The following PIK3R6 variants were observed in gnomAD, a reference collection of about 807,000 sequenced individuals.
The protein encoded by PIK3R6 is phosphoinositide 3-kinase regulatory subunit 6.
A neutral mutation model predicts 84.9 loss-of-function variants in PIK3R6; 91 were observed. The observed-to-expected ratio is 1.07, with a 90% confidence interval of 0.90 to 1.28. PIK3R6 has a LOEUF of 1.28. Ranked by LOEUF, PIK3R6 falls within the 50% of genes most tolerant of loss-of-function variation. PIK3R6 has a pLI of 0.00. For synonymous variants in PIK3R6, 416 were observed against 411.4 expected, an observed-to-expected ratio of 1.01 and a Z score of -0.13; for missense variants, 996 against 985.1, an observed-to-expected ratio of 1.01 and a Z score of -0.15.
At chr17:8,867,347 T>G (rs955790930) in intron 1 of PIK3R6, among the ~76,000 whole-genome samples, 182 bp downstream of exon 1, 1 of 152,206 alleles carries the variant, frequency 6.6e-6, no homozygotes, top group Non-Finnish European at 1.5e-5. Context: ...AGAATTACCC[T>G]GCAGTGTCTG....
At chr17:8,827,437 G>T in intron 12 of PIK3R6, 143 bp from the exon 13 acceptor site, 1 of 1,039,148 alleles carries the variant, frequency 9.6e-7, no homozygotes, top group Non-Finnish European at 1.3e-6. Context: ...ACACGTCGTT[G>T]TTCTGTTTTA....
At chr17:8,853,714 G>A (rs60256690) in intron 1 of PIK3R6, among the ~76,000 whole-genome samples, 12,541 of 149,094 alleles carry the variant, frequency 0.084, 1,690 homozygotes, top group African/African-American at 0.29. Context: ...CTGTAATCCC[G>A]GCACTTTGGG....
intron 17 of PIK3R6, among the ~76,000 whole-genome samples, chr17:8,821,098 C>CT (rs1230098659): frequency 6.6e-6 from 1 of 152,162 alleles, no homozygotes; most frequent in Non-Finnish European, 1.5e-5. Flanking sequence ...CCTGGGTGAA[C>CT]TTACTTGTTT....
chr17:8,819,851 T>G (rs2087668939), intron 17 of PIK3R6, among the ~76,000 whole-genome samples: 1 of 147,022 alleles, frequency 6.8e-6, no homozygotes, highest in South Asian at 2.1e-4. Flanking sequence ...TATATATGTA[T>G]ATATAGACAC....
chr17:8,822,722 C>T, intron 15 of PIK3R6, 65 bp from the exon 16 acceptor site: 1 of 1,508,966 alleles, frequency 6.6e-7, no homozygotes, highest in Non-Finnish European at 9.1e-7. Context: ...ACTTCCCCAC[C>T]TCTCTGAGGG....
intron 1 of PIK3R6, among the ~76,000 whole-genome samples, chr17:8,860,828 C>G (rs530305476): frequency 6.6e-6 from 1 of 152,114 alleles, no homozygotes; most frequent in Non-Finnish European, 1.5e-5. Flanking sequence ...GACTCTGAAG[C>G]CGGGGGCAGT....
rs1287995386 is a variant in PIK3R6, at chr17:8,839,034, G to C, written c.98-379C>G. On this transcript the variant is annotated intron_variant, in intron 3 of 19. Transcript: ENST00000619866. This position sits in a 1 kb window ranked among gnomAD's most constrained non-coding sequence, Gnocchi z 4.2. The stretch of plus-strand genomic sequence containing the variant: ...GAGGGGAATTAGGTTTGGAAGTGGA[G>C]CTAGGGAAGGTGGTTAACAAAGAGG... Among the ~76,000 whole-genome samples, 1 of 152,126 alleles carries C rather than the reference G, an allele frequency of 6.6e-6. No homozygotes were observed. The highest frequency in any genetic ancestry group is 1.5e-5 in the Non-Finnish European group (1 of 68,026).
chr17:8,837,129 T>C (rs1410072575), intron 5 of PIK3R6, among the ~76,000 whole-genome samples: 1 of 152,100 alleles, frequency 6.6e-6, no homozygotes. Flanking sequence ...AAGACATCCA[T>C]TTGTCGCCCC....
intron 11 of PIK3R6, 60 bp from the exon 12 acceptor site, chr17:8,828,250 G>C (rs527989281): frequency 3.9e-6 from 6 of 1,526,260 alleles, no homozygotes; most frequent in South Asian, 1.1e-5. Context: ...AAACAGACTC[G>C]GCTCTGCTAT....
intron 10 of PIK3R6, 36 bp downstream of exon 10, chr17:8,829,670 A>G: frequency 6.5e-7 from 1 of 1,532,182 alleles, no homozygotes; most frequent in South Asian, 1.2e-5. Context: ...ACACAGACAT[A>G]TACCACTGTT....
chr17:8,825,846 C>CT (rs2087898607), intron 13 of PIK3R6, among the ~76,000 whole-genome samples: 1 of 152,170 alleles, frequency 6.6e-6, no homozygotes, highest in African/African-American at 2.4e-5. Context: ...AAGTATTAAA[C>CT]TTCTGCAAGT....
At chr17:8,838,483 G>C in intron 4 of PIK3R6, 81 bp downstream of exon 4, 5 of 1,279,918 alleles carry the variant, frequency 3.9e-6, no homozygotes, top group Non-Finnish European at 5.5e-6. Flanking sequence ...GAGATATAGC[G>C]CTGCCAGGAC....
rs1425841605 is a variant in PIK3R6 at position 8,803,908 on chromosome 17, G to T, written c.2108+133C>A. On this transcript the variant is annotated intron_variant, in intron 19 of 19. Transcript: ENST00000619866. The surrounding 1 kb of genome is among the most constrained non-coding windows in gnomAD (Gnocchi z 5.0). ...GTGGCCTCTGTCCATCCTCACCAAG[G>T]TTACCTGCCTGGCCACAGGATCTAC... 33 of 767,928 alleles carry T rather than the reference G, an allele frequency of 4.3e-5. No individual in the cohort carries two copies. The highest frequency in any genetic ancestry group is 6.7e-5 in the Non-Finnish European group (31 of 459,374). 47.6% of individuals were successfully genotyped at this position (767,928 alleles called of 1,614,324 possible). A position where few individuals can be genotyped will look rare whatever the true frequency, so the allele number is the denominator to read the frequency against.
chr17:8,805,703 G>A (rs1335841559), intron 18 of PIK3R6, among the ~76,000 whole-genome samples: 2 of 152,056 alleles, frequency 1.3e-5, no homozygotes, highest in Non-Finnish European at 2.9e-5. Context: ...ATCCCCTGAG[G>A]TCAGGAGTTC....
In PIK3R6 at chr17:8,822,571, G is replaced by C; in HGVS notation, c.1788+16C>G. On this transcript the variant is annotated intron_variant, in intron 16 of 19. Transcript: ENST00000619866. ...TACCTCTTGGCTACCTACTGACCAC[G>C]TCCATGCACACTGACCTTCTGGTAG... 6.2e-7 allele frequency: 1 copy of C among 1,613,648 alleles called. No individual in the cohort carries two copies.
chr17:8,832,959 C>T lies in PIK3R6; in HGVS notation c.732G>A (p.Arg244=), dbSNP rs779584126. The change falls in exon 9 of 20, where the codon CGG becomes CGA. Residue 244 remains arginine, a synonymous_variant. Transcript: ENST00000619866. The stretch of plus-strand genomic sequence containing the variant: ...CCTCCAGCCTCTCTACGTGTCCCTC[C>T]CGGCTCGGGCTGGCCTCGCTGGCCA... The part of the protein sequence containing the change: ...EQMASEASPS[R]EGHVERLEEI... The T allele has an allele frequency of 1.9e-5, 31 of 1,612,556 alleles. No homozygotes were observed. In the Admixed American group the frequency reaches 4.2e-4, roughly 22 times the overall value.
chr17:8,829,299 C>CACGG (rs1555533027), intron 10 of PIK3R6, among the ~76,000 whole-genome samples: 2 of 148,234 alleles, frequency 1.3e-5, no homozygotes, highest in Non-Finnish European at 3.0e-5. Context: ...CATGCATACA[C>CACGG]ACACACTGAC....
intron 18 of PIK3R6, among the ~76,000 whole-genome samples, chr17:8,806,009 A>T (rs2151167782): frequency 6.6e-6 from 1 of 151,754 alleles, no homozygotes; most frequent in South Asian, 2.1e-4. Flanking sequence ...TCAGGGGGGC[A>T]GGCAGTGGAA....
At chr17:8,849,656 T>C in intron 2 of PIK3R6, 126 bp downstream of exon 2, 1 of 1,084,370 alleles carries the variant, frequency 9.2e-7, no homozygotes, top group Non-Finnish European at 1.2e-6. Context: ...GATCCCTGAA[T>C]TGGGGTCTTG....
Sources: gnomAD v4.1 joint callset for allele counts (sites outside exome capture counted in the v4.1 genomes callset) on GRCh38, gnomAD v4.1.1 for gene constraint, Gnocchi (gnomAD v3.1) non-coding constraint, MANE v1.5 for transcripts, NCBI Gene and HGNC (gene_info 2026-07-23, HGNC 2026-07-21) for gene names.